The following WWOX variants were observed in gnomAD, a reference collection of about 807,000 sequenced individuals.
WWOX encodes the protein WW domain containing oxidoreductase.
In WWOX, 69 loss-of-function variants were observed where a neutral mutation model predicts 46.2. The observed-to-expected ratio is 1.49, with a 90% CI of 1.23 to 1.82. The LOEUF is 1.82. Among genes scored for constraint, WWOX ranks in the 40% most tolerant of loss-of-function variants. The probability of loss-of-function intolerance (pLI) is 0.00; values close to 1 mark genes in which losing one functional copy is unlikely to be tolerated. For missense variants in WWOX, 919 were observed against 542.6 expected, an observed-to-expected ratio of 1.69 and a Z score of -6.89; for synonymous variants, 359 against 202.6, an observed-to-expected ratio of 1.77 and a Z score of -6.56.
At chr16:78,261,611 A>C (rs1372545630) in intron 5 of WWOX, among the ~76,000 whole-genome samples, 1 of 150,144 alleles carries the variant, frequency 6.7e-6, no homozygotes, top group African/African-American at 2.5e-5. Flanking sequence ...TAGGAAAAAA[A>C]GTCTGATTGC....
chr16:78,771,816 A>T (rs934556478), intron 8 of WWOX, among the ~76,000 whole-genome samples: 1 of 151,212 alleles, frequency 6.6e-6, no homozygotes. Flanking sequence ...AATAAATAAG[A>T]GTTGGATCAC....
Position 79,211,757 on chromosome 16 carries a change from G to C in WWOX, c.1206G>C (p.Glu402Asp), listed in dbSNP as rs923748427. ...ETARTLWALS[E>D]RLIQERLGSQ... ...CCCGGACCCTGTGGGCGCTCAGCGA[G>C]AGGCTGATCCAAGAACGGCTTGGCA... is the stretch of plus-strand genomic sequence containing the variant. Residue 402 changes from glutamate to aspartate, a missense_variant, in exon 9 of 9, where the codon GAG becomes GAC. Glu to Asp is a conservative substitution (Grantham distance 45, BLOSUM62 2). Coordinates refer to ENST00000566780, the MANE Select transcript of WWOX (RefSeq NM_016373.4). 12 of 1,614,088 alleles carry C rather than the reference G, an allele frequency of 7.4e-6. No individual in the cohort carries two copies. The highest frequency in any genetic ancestry group is 5.3e-5 in the African/African-American group (4 of 74,952).
At chr16:78,453,450 G>T (rs952953127) in intron 8 of WWOX, among the ~76,000 whole-genome samples, 9 of 151,896 alleles carry the variant, frequency 5.9e-5, no homozygotes, top group Admixed American at 4.6e-4. Context: ...TTCTTATTCA[G>T]TTGATTTAAG....
intron 8 of WWOX, among the ~76,000 whole-genome samples, chr16:79,116,474 G>T (rs980442908): frequency 1.3e-5 from 2 of 152,192 alleles, no homozygotes; most frequent in African/African-American, 4.8e-5. Flanking sequence ...ACAATGTTCA[G>T]TGTTCGCCTT....
At chr16:78,293,559 C>T (rs1343411469) in intron 5 of WWOX, among the ~76,000 whole-genome samples, 4 of 152,104 alleles carry the variant, frequency 2.6e-5, no homozygotes, top group Non-Finnish European at 4.4e-5. Context: ...GGTTCTTTCC[C>T]CTCCCGTGCT....
chr16:78,974,914 C>T (rs541162262), intron 8 of WWOX, among the ~76,000 whole-genome samples: 57 of 152,176 alleles, frequency 3.7e-4, no homozygotes, highest in Non-Finnish European at 5.6e-4. Flanking sequence ...TCAGGGTCCA[C>T]CGATGCAGCC....
chr16:79,079,551 A>G (rs1053890818), intron 8 of WWOX, among the ~76,000 whole-genome samples: 1 of 152,084 alleles, frequency 6.6e-6, no homozygotes, highest in Non-Finnish European at 1.5e-5. Flanking sequence ...CACTTCCCCT[A>G]GTCACCTGGT....
At chr16:78,822,032 A>G (rs556835186) in intron 8 of WWOX, among the ~76,000 whole-genome samples, 147 of 152,258 alleles carry the variant, frequency 9.7e-4, no homozygotes, top group Admixed American at 2.6e-3. Context: ...ATGCACCACC[A>G]TGCCCAGCTA....
At chr16:79,065,593 A>G (rs2048426981) in intron 8 of WWOX, among the ~76,000 whole-genome samples, 1 of 152,214 alleles carries the variant, frequency 6.6e-6, no homozygotes, top group African/African-American at 2.4e-5. Context: ...GATGTTATCT[A>G]CAGGAATAAT....
At chr16:79,040,256 G>A (rs1011550934) in intron 8 of WWOX, among the ~76,000 whole-genome samples, 1 of 148,390 alleles carries the variant, frequency 6.7e-6, no homozygotes, top group African/African-American at 2.5e-5. Context: ...GTACATTTCA[G>A]TTCATTCTTT....
intron 8 of WWOX, among the ~76,000 whole-genome samples, chr16:78,556,636 C>T (rs368081417): frequency 6.6e-6 from 1 of 152,130 alleles, no homozygotes; most frequent in Admixed American, 6.5e-5. Flanking sequence ...CAGAGTTCAA[C>T]CAAACGTACC....
At chr16:78,340,788 A>AG (rs1380586937) in intron 5 of WWOX, among the ~76,000 whole-genome samples, 2 of 117,936 alleles carry the variant, frequency 1.7e-5, no homozygotes, top group East Asian at 3.9e-4. Context: ...GAGCCAAGTG[A>AG]GGGGGAGAGT....
intron 8 of WWOX, among the ~76,000 whole-genome samples, chr16:79,049,601 G>T (rs371077168): frequency 2.0e-5 from 3 of 152,140 alleles, no homozygotes; most frequent in African/African-American, 7.2e-5. Flanking sequence ...ACTTTGGGAG[G>T]CCGAGGTGGG....
At chr16:78,703,308 A>T (rs1225772649) in intron 8 of WWOX, among the ~76,000 whole-genome samples, 1 of 152,142 alleles carries the variant, frequency 6.6e-6, no homozygotes, top group African/African-American at 2.4e-5. Flanking sequence ...CTTTCCTGTG[A>T]AAATTTCTAA....
chr16:78,671,040 CA>C (rs2047450995), intron 8 of WWOX, among the ~76,000 whole-genome samples: 1 of 152,138 alleles, frequency 6.6e-6, no homozygotes. Flanking sequence ...ACAGAGCCTG[CA>C]AGCATTTCTC....
intron 1 of WWOX, 136 bp downstream of exon 1, chr16:78,100,021 G>A (rs2031651847): frequency 2.0e-6 from 3 of 1,470,008 alleles, no homozygotes; most frequent in South Asian, 2.7e-5. Flanking sequence ...GGAGCTTCAG[G>A]GAAAAGGGTC....
At chr16:78,807,829 G>A (rs1176573630) in intron 8 of WWOX, among the ~76,000 whole-genome samples, 1 of 152,206 alleles carries the variant, frequency 6.6e-6, no homozygotes, top group Admixed American at 6.5e-5. Flanking sequence ...AATTAAAGTT[G>A]TATAACATTT....
chr16:78,862,034 C>T (rs1049502666), intron 8 of WWOX, among the ~76,000 whole-genome samples: 1 of 148,368 alleles, frequency 6.7e-6, no homozygotes, highest in Admixed American at 6.8e-5. Flanking sequence ...TAGATACACA[C>T]ATGTATCTAT....
At chr16:79,120,270 T>C (rs573159992) in intron 8 of WWOX, among the ~76,000 whole-genome samples, 1 of 152,244 alleles carries the variant, frequency 6.6e-6, no homozygotes, top group South Asian at 2.1e-4. Context: ...GACATTCAGG[T>C]ACATATACCC....
Sources: gnomAD v4.1 joint callset for allele counts (sites outside exome capture counted in the v4.1 genomes callset) on GRCh38, gnomAD v4.1.1 for gene constraint, MANE v1.5 for transcripts, NCBI Gene and HGNC (gene_info 2026-07-23, HGNC 2026-07-21) for gene names.